Variants in VPS13B observed in about 807,000 individuals in gnomAD.
VPS13B encodes vacuolar protein sorting 13 homolog B.
In VPS13B, 285 loss-of-function variants were observed where a neutral mutation model predicts 426.4. The ratio of observed to expected loss-of-function variants is 0.67; its 90% confidence interval spans 0.61 to 0.74. The LOEUF (loss-of-function observed/expected upper bound fraction) is 0.74, where lower values mean the gene tolerates loss of function less well. Ranked by LOEUF, VPS13B falls within the 30% of genes least tolerant of loss-of-function variation. The pLI is 0.00. For synonymous variants in VPS13B, 1,676 were observed against 1,676.4 expected, an observed-to-expected ratio of 1.00 and a Z score of 0.01; for missense variants, 4,537 against 4,782.6, an observed-to-expected ratio of 0.95 and a Z score of 1.51.
intron 39 of VPS13B, among the ~76,000 whole-genome samples, chr8:99,763,135 C>CA (rs750289763): frequency 0.038 from 1,362 of 35,736 alleles, 131 homozygotes; most frequent in Non-Finnish European, 0.047. Context: ...GACCTTGTCT[C>CA]AAAAAAAAAA....
At chr8:99,196,924 G>A (rs1813968819) in intron 17 of VPS13B, among the ~76,000 whole-genome samples, 2 of 152,110 alleles carry the variant, frequency 1.3e-5, no homozygotes, top group South Asian at 4.1e-4. Context: ...AAAGATTTCA[G>A]CATTTCACTC....
chr8:99,565,314 G>A (rs1223965856), intron 31 of VPS13B, among the ~76,000 whole-genome samples: 2 of 149,132 alleles, frequency 1.3e-5, no homozygotes, highest in Admixed American at 6.7e-5. Flanking sequence ...ATATTTGTTT[G>A]TTAAAATATT....
At chr8:99,110,752 AATTTT>A (rs1165423384) in intron 5 of VPS13B, among the ~76,000 whole-genome samples, 1 of 151,862 alleles carries the variant, frequency 6.6e-6, no homozygotes, top group African/African-American at 2.4e-5. Flanking sequence ...GATTCTTAAG[AATTTT>A]ATTGTTATCT....
In VPS13B at chr8:99,431,683, A is replaced by T; in HGVS notation, c.3210+19A>T. ...ACTACAGGTAAAATAAAAGTTAGAAATATTATGGATATAATTTCTATAATC... is the reference window on the plus strand; with the variant it reads ...ACTACAGGTAAAATAAAAGTTAGAATTATTATGGATATAATTTCTATAATC... On this transcript the variant is annotated intron_variant, in intron 22 of 61. Coordinates refer to ENST00000357162, the MANE Select transcript of VPS13B (RefSeq NM_152564.5). The T allele has an allele frequency of 6.2e-7, 1 of 1,607,334 alleles. No homozygotes were observed. The highest frequency in any genetic ancestry group is 1.3e-5 in the African/African-American group (1 of 74,812).
At chr8:99,084,766 G>C (rs1005153772) in intron 3 of VPS13B, among the ~76,000 whole-genome samples, 1 of 152,212 alleles carries the variant, frequency 6.6e-6, no homozygotes, top group Non-Finnish European at 1.5e-5. Context: ...GAGTGGCTTT[G>C]AGTGAGTTTC....
chr8:99,076,658 C>T (rs1426813031), intron 3 of VPS13B, among the ~76,000 whole-genome samples: 2 of 141,416 alleles, frequency 1.4e-5, no homozygotes, highest in Admixed American at 7.1e-5. Context: ...TGTTTTATCT[C>T]ATCTAGGTGT....
At chr8:99,185,793 A>T (rs1020137969) in intron 16 of VPS13B, among the ~76,000 whole-genome samples, 4 of 152,192 alleles carry the variant, frequency 2.6e-5, no homozygotes, top group Non-Finnish European at 5.9e-5. Flanking sequence ...CATCATTTTT[A>T]TTTAAAATTT....
chr8:99,835,112 C>A (rs1442984816), intron 52 of VPS13B, 85 bp from the exon 53 acceptor site: 1 of 1,577,628 alleles, frequency 6.3e-7, no homozygotes, highest in African/African-American at 1.3e-5. Context: ...CTGAATGTTG[C>A]AAATCTAAAT....
chr8:99,860,336 A>G (rs917522558), intron 57 of VPS13B, among the ~76,000 whole-genome samples: 3 of 152,070 alleles, frequency 2.0e-5, no homozygotes, highest in Non-Finnish European at 4.4e-5. Flanking sequence ...CGGACAATGA[A>G]AAGGACACTC....
intron 19 of VPS13B, chr8:99,346,230 G>A (rs1369998272): frequency 6.6e-6 from 1 of 152,188 alleles, no homozygotes; most frequent in Non-Finnish European, 1.5e-5. Flanking sequence ...CTTGGATGAT[G>A]AGATTACACG....
chr8:99,553,939 C>CA (rs1204770731), intron 30 of VPS13B, among the ~76,000 whole-genome samples: 1 of 151,496 alleles, frequency 6.6e-6, no homozygotes, highest in Admixed American at 6.6e-5. Context: ...GGCTATCACT[C>CA]AAAATGGAAA....
Position 99,058,127 on chromosome 8 carries a change from T to G in VPS13B, c.291+19561T>G, listed in dbSNP as rs561323263. 1.2e-4 allele frequency among the ~76,000 whole-genome samples: 18 copies of G among 152,228 alleles called. No homozygotes were observed. In the East Asian group the frequency reaches 3.1e-3, roughly 26 times the overall value. On this transcript the variant is annotated intron_variant, in intron 3 of 61. Transcript: ENST00000357162. ...AAAATCAACATTATTTTTCTAATACTAAGACATGATTCATGATTTACTTTT... is the reference window on the plus strand; with the variant it reads ...AAAATCAACATTATTTTTCTAATACGAAGACATGATTCATGATTTACTTTT...
Position 99,390,100 on chromosome 8 carries a change from AT to A in VPS13B, c.2935-1442del, listed in dbSNP as rs796834281. Among the ~76,000 whole-genome samples, 658 of 143,956 alleles carry A rather than the reference AT, an allele frequency of 4.6e-3. 5 individuals are homozygous for A. Among genetic ancestry groups the A allele is most frequent in the African/African-American group, 0.01 (397 of 39,592 alleles). The allele number at this position is 143,956 out of a possible 152,430, so 94.4% of individuals were successfully genotyped here. ...TTTATTTAATCTTTTCTCATTTTAA[AT>A]TTTTTTTTTTTTTTGAGATGGAGTC... is the stretch of plus-strand genomic sequence containing the variant. On this transcript the variant is annotated intron_variant, in intron 20 of 61. Transcript: ENST00000357162.
chr8:99,853,428 G>A lies in VPS13B; in HGVS notation c.10062-23G>A, dbSNP rs894551463. 3 of 1,610,854 alleles carry A rather than the reference G, an allele frequency of 1.9e-6. No homozygotes were observed. In the African/African-American group the frequency reaches 4.0e-5, roughly 22 times the overall value. On this transcript the variant is annotated intron_variant, in intron 55 of 61. Coordinates refer to ENST00000357162, the MANE Select transcript of VPS13B (RefSeq NM_152564.5). ...AGAAAAGGTGAGTGGGGGGACTAAT[G>A]TTCTTGTCCCTTTCTCCTCTAGAGC...
chr8:99,666,687 T>C (rs949290807), intron 35 of VPS13B, among the ~76,000 whole-genome samples: 3 of 152,118 alleles, frequency 2.0e-5, no homozygotes, highest in African/African-American at 7.2e-5. Context: ...CTATGATAAA[T>C]CCACAGCCAA....
At chr8:99,604,748 C>T (rs928758582) in intron 33 of VPS13B, among the ~76,000 whole-genome samples, 1 of 152,060 alleles carries the variant, frequency 6.6e-6, no homozygotes, top group African/African-American at 2.4e-5. Context: ...CCTCGGCCCC[C>T]CAAAGTGCTG....
rs750007296 is a variant in VPS13B at position 99,127,427 on chromosome 8, A to G, written c.1206+5982A>G. Among the ~76,000 whole-genome samples the G allele has an allele frequency of 3.3e-5, 5 of 152,256 alleles. No homozygotes were observed. In the East Asian group the frequency reaches 9.6e-4, roughly 29 times the overall value. ...AACAGAACTCTTGATTTTTCTTTGC[A>G]GTTGTGCACCCCCACCCCCACTATT... On this transcript the variant is annotated intron_variant, in intron 8 of 61. Coordinates refer to ENST00000357162, the MANE Select transcript of VPS13B (RefSeq NM_152564.5).
intron 19 of VPS13B, among the ~76,000 whole-genome samples, chr8:99,339,187 A>T (rs1267883778): frequency 6.6e-6 from 1 of 152,124 alleles, no homozygotes; most frequent in African/African-American, 2.4e-5. Flanking sequence ...ACATTTATTT[A>T]ATATTAAGTT....
At position 99,360,222 on chromosome 8, in the gene VPS13B, CTTTCTTTCTTTCTCTCTCTCCT is replaced by C. The variant is rs1812475435; in HGVS notation, c.2825-23984_2825-23963del. On this transcript the variant is annotated intron_variant, in intron 19 of 61. Transcript: ENST00000357162. ...TCTCTCTCTCTCTCTTTCTTTCTTT[CTTTCTTTCTTTCTCTCTCTCCT>C]TCCTTCCTTCCTTCCTTCCTTCCTT... 2.0e-4 allele frequency among the ~76,000 whole-genome samples: 5 copies of C among 24,884 alleles called. No homozygotes were observed. In the South Asian group the frequency reaches 0.011, roughly 54 times the overall value. 16.3% of individuals were successfully genotyped at this position (24,884 alleles called of 152,430 possible). A position where few individuals can be genotyped will look rare whatever the true frequency, so the allele number is the denominator to read the frequency against.
Sources: gnomAD v4.1 joint callset for allele counts (sites outside exome capture counted in the v4.1 genomes callset) on GRCh38, gnomAD v4.1.1 for gene constraint, MANE v1.5 for transcripts, NCBI Gene and HGNC (gene_info 2026-07-23, HGNC 2026-07-21) for gene names.